The following ZNF365 variants were observed in gnomAD, a reference collection of about 807,000 sequenced individuals.
ZNF365 encodes zinc finger protein 365.
A neutral mutation model predicts 35.0 loss-of-function variants in ZNF365; 22 were observed. The observed-to-expected ratio is 0.63, with a 90% CI of 0.45 to 0.90. ZNF365 has a LOEUF of 0.90. Ranked by LOEUF, ZNF365 falls within the 40% of genes least tolerant of loss-of-function variation. The pLI is 0.00. For missense variants in ZNF365, 448 were observed against 500.3 expected (o/e 0.90, Z 1.00); for synonymous variants, 188 against 196.2 (o/e 0.96, Z 0.35).
chr10:62,475,972 T>A (rs1055013103), intron 4 of ZNF365, among the ~76,000 whole-genome samples: 2 of 152,106 alleles, frequency 1.3e-5, no homozygotes, highest in Non-Finnish European at 2.9e-5. Context: ...TCTTATTGAA[T>A]CTCCTGCATA....
intron 3 of ZNF365, among the ~76,000 whole-genome samples, chr10:62,422,020 G>A (rs1291756730): frequency 6.6e-6 from 1 of 152,198 alleles, no homozygotes. Context: ...TTAGTTCAGA[G>A]TTATGTTAGT....
chr10:62,418,244 AT>A (rs1840111414), intron 3 of ZNF365, among the ~76,000 whole-genome samples: 1 of 152,062 alleles, frequency 6.6e-6, no homozygotes, highest in South Asian at 2.1e-4. Flanking sequence ...AAGCACATAC[AT>A]TTTGTCAATA....
At chr10:62,469,033 A>G (rs559442401) in intron 4 of ZNF365, among the ~76,000 whole-genome samples, 1 of 152,342 alleles carries the variant, frequency 6.6e-6, no homozygotes, top group South Asian at 2.1e-4. Flanking sequence ...AGCAATGGCT[A>G]CCAAGAGGTG....
chr10:62,401,809 G>A lies in ZNF365; in HGVS notation c.*2020G>A. On this transcript the variant is annotated 3_prime_UTR_variant, in exon 5 of 5. Transcript: ENST00000395254. ...ATTTTCATCTAACATAGAGGGCATGGCAACTCTCTTTGACAGTGGTACCCC... is the reference window on the plus strand; with the variant it reads ...ATTTTCATCTAACATAGAGGGCATGACAACTCTCTTTGACAGTGGTACCCC... 4 of 985,460 alleles carry A rather than the reference G, an allele frequency of 4.1e-6. No individual in the cohort carries two copies. The highest frequency in any genetic ancestry group is 9.4e-5 in the South Asian group (2 of 21,288). 61.0% of individuals were successfully genotyped at this position (985,460 alleles called of 1,614,324 possible).
In ZNF365 at chr10:62,400,058, A is replaced by G. The variant is rs1839800858; in HGVS notation, c.*269A>G. 1.7e-6 allele frequency: 2 copies of G among 1,183,370 alleles called. No homozygotes were observed. Among genetic ancestry groups the G allele is most frequent in the Admixed American group, 8.2e-5 (2 of 24,526 alleles). 73.3% of individuals were successfully genotyped at this position (1,183,370 alleles called of 1,614,324 possible). A position where few individuals can be genotyped will look rare whatever the true frequency, so the allele number is the denominator to read the frequency against. Reference sequence around the variant, plus strand: ...TCTTAAAGCTCTAACTTCTAAAGTAACTGGCCCAGTCTCCAGTAATCTTGG... The same window carrying G: ...TCTTAAAGCTCTAACTTCTAAAGTAGCTGGCCCAGTCTCCAGTAATCTTGG... On this transcript the variant is annotated 3_prime_UTR_variant, in exon 5 of 5. Transcript: ENST00000395254.
At chr10:62,471,185 T>C (rs1244384448) in intron 4 of ZNF365, among the ~76,000 whole-genome samples, 1 of 151,902 alleles carries the variant, frequency 6.6e-6, no homozygotes, top group African/African-American at 2.4e-5. Context: ...GCTAACATGG[T>C]GAAACCCTGT....
At chr10:62,433,935 A>G (rs1467765132) in intron 3 of ZNF365, among the ~76,000 whole-genome samples, 2 of 152,094 alleles carry the variant, frequency 1.3e-5, no homozygotes, top group Non-Finnish European at 2.9e-5. Flanking sequence ...AGGTCCAGGA[A>G]CTGAAGATTC....
At chr10:62,415,108 A>G (rs1840052975) in intron 3 of ZNF365, among the ~76,000 whole-genome samples, 1 of 152,140 alleles carries the variant, frequency 6.6e-6, no homozygotes, top group South Asian at 2.1e-4. Flanking sequence ...TATTAATTAC[A>G]GTAAAAGTCT....
intron 2 of ZNF365, among the ~76,000 whole-genome samples, chr10:62,384,308 A>G (rs1255007028): frequency 1.3e-5 from 2 of 152,044 alleles, no homozygotes; most frequent in Non-Finnish European, 2.9e-5. Context: ...AAAACCACAC[A>G]AGTCTTCTAC....
chr10:62,443,763 G>C (rs1840540356), intron 3 of ZNF365, among the ~76,000 whole-genome samples: 1 of 152,010 alleles, frequency 6.6e-6, no homozygotes, highest in African/African-American at 2.4e-5. Flanking sequence ...CCTTTTAGTT[G>C]GTAAATTGAG....
intron 3 of ZNF365, among the ~76,000 whole-genome samples, chr10:62,448,979 A>G (rs1012206242): frequency 9.2e-5 from 14 of 152,242 alleles, no homozygotes; most frequent in Admixed American, 3.3e-4. Context: ...ATAATTACAG[A>G]AACAGAGGCA....
At chr10:62,422,360 G>T (rs913468628) in intron 3 of ZNF365, among the ~76,000 whole-genome samples, 1 of 152,064 alleles carries the variant, frequency 6.6e-6, no homozygotes, top group Non-Finnish European at 1.5e-5. Flanking sequence ...GAACTTCTTT[G>T]GTTGTTAAAG....
chr10:62,376,525 A>G lies in ZNF365; in HGVS notation c.332A>G (p.Asp111Gly), dbSNP rs1458955986. ...LYSISHEHSKDRKPFEVVAER... is the reference protein window; with the variant it reads ...LYSISHEHSKGRKPFEVVAER... Reference sequence around the variant, plus strand: ...AGCATTTCACATGAACATTCCAAGGACAGGAAGCCATTTGAGGTGGTGGCA... The same window carrying G: ...AGCATTTCACATGAACATTCCAAGGGCAGGAAGCCATTTGAGGTGGTGGCA... The change falls in exon 2 of 5, where the codon GAC becomes GGC. Residue 111 changes from aspartate to glycine, a missense_variant. By Grantham distance (94) the Asp-to-Gly change is moderately conservative. This residue lies in a region of ZNF365 where 362 missense variants were observed against 375.7 expected (regional missense o/e 0.96). Coordinates refer to ENST00000395254, the MANE Select transcript of ZNF365 (RefSeq NM_014951.3). 1 of 1,614,010 alleles carries G rather than the reference A, an allele frequency of 6.2e-7. No individual in the cohort carries two copies. Among genetic ancestry groups the G allele is most frequent in the Non-Finnish European group, 8.5e-7 (1 of 1,180,038 alleles).
chr10:62,385,201 C>G (rs1231042628), intron 2 of ZNF365, among the ~76,000 whole-genome samples: 1 of 152,122 alleles, frequency 6.6e-6, no homozygotes, highest in Non-Finnish European at 1.5e-5. Context: ...AATACATCTA[C>G]AAACTGAAAT....
chr10:62,450,020 C>A (rs886438647), intron 3 of ZNF365, among the ~76,000 whole-genome samples: 2 of 151,492 alleles, frequency 1.3e-5, no homozygotes, highest in East Asian at 1.9e-4. Context: ...CACCTGCAAT[C>A]TCAGCATTTT....
At chr10:62,446,963 G>A (rs1320893154) in intron 3 of ZNF365, among the ~76,000 whole-genome samples, 1 of 152,120 alleles carries the variant, frequency 6.6e-6, no homozygotes, top group Non-Finnish European at 1.5e-5. Context: ...CCCTTTCTCA[G>A]CCAATTTGAG....
At position 62,401,694 on chromosome 10, in the gene ZNF365, A is replaced by T. The variant is rs1839832416; in HGVS notation, c.*1905A>T. On this transcript the variant is annotated 3_prime_UTR_variant, in exon 5 of 5. Coordinates refer to ENST00000395254, the MANE Select transcript of ZNF365 (RefSeq NM_014951.3). ...TAGCCTTTTACATACTAAAAACATGACTTGTTAGTTGTATTGCATGCTCTT... is the reference window on the plus strand; with the variant it reads ...TAGCCTTTTACATACTAAAAACATGTCTTGTTAGTTGTATTGCATGCTCTT... 1 of 985,526 alleles carries T rather than the reference A, an allele frequency of 1.0e-6. No homozygotes were observed. Among genetic ancestry groups the T allele is most frequent in the Admixed American group, 6.1e-5 (1 of 16,276 alleles). The allele number at this position is 985,526 out of a possible 1,614,324, so 61.0% of individuals were successfully genotyped here. A position where few individuals can be genotyped will look rare whatever the true frequency, so the allele number is the denominator to read the frequency against.
At chr10:62,405,885 C>T (rs1839897449), downstream of ZNF365, among the ~76,000 whole-genome samples, 2 of 152,204 alleles carry the variant, frequency 1.3e-5, no homozygotes, top group South Asian at 4.1e-4. Context: ...CAAGGGTGAA[C>T]CCCACTTCCC....
intron 3 of ZNF365, among the ~76,000 whole-genome samples, chr10:62,414,802 C>T (rs532203996): frequency 6.6e-6 from 1 of 152,294 alleles, no homozygotes; most frequent in African/African-American, 2.4e-5. Context: ...CTCATTCTTT[C>T]CTATCCTTTT....
Sources: allele counts gnomAD v4.1 joint callset (sites outside exome capture counted in the v4.1 genomes callset), GRCh38; gene constraint gnomAD v4.1.1; regional missense constraint gnomAD v4.1.1; transcripts MANE v1.5; gene names NCBI Gene and HGNC (gene_info 2026-07-23, HGNC 2026-07-21).